KAT6A: variants seen among roughly 807,000 people sequenced by gnomAD.
The protein encoded by KAT6A is histone acetyltransferase KAT6A.
A neutral mutation model predicts 198.4 loss-of-function variants in KAT6A; 9 were observed. That is an observed-to-expected ratio of 0.05 (90% CI 0.03 to 0.08). The LOEUF (loss-of-function observed/expected upper bound fraction) is 0.08, where lower values mean the gene tolerates loss of function less well. Ranked by LOEUF, KAT6A falls within the 10% of genes least tolerant of loss-of-function variation. The pLI is 1.00. For synonymous variants in KAT6A, 890 were observed against 883.0 expected, an observed-to-expected ratio of 1.01 and a Z score of -0.14; for missense variants, 2,077 against 2,509.9, an observed-to-expected ratio of 0.83 and a Z score of 3.69.
At chr8:41,953,816 T>G (rs1041358179) in intron 9 of KAT6A, among the ~76,000 whole-genome samples, 2 of 152,198 alleles carry the variant, frequency 1.3e-5, no homozygotes, top group African/African-American at 4.8e-5. Flanking sequence ...TCCTGAGGAA[T>G]GAGTTAACTT....
At chr8:41,975,392 C>CA (rs1284845692) in intron 7 of KAT6A, among the ~76,000 whole-genome samples, 7 of 151,968 alleles carry the variant, frequency 4.6e-5, no homozygotes, top group African/African-American at 1.7e-4. Flanking sequence ...CTCAAGTTGG[C>CA]AAAAAACTAG....
chr8:42,026,593 T>G (rs1245518514), intron 2 of KAT6A, among the ~76,000 whole-genome samples: 1 of 152,238 alleles, frequency 6.6e-6, no homozygotes, highest in African/African-American at 2.4e-5. Flanking sequence ...GAAACACTAC[T>G]GATTTTTGTA....
At chr8:41,978,899 T>C (rs1587773825) in intron 5 of KAT6A, 122 bp from the exon 6 acceptor site, 1 of 803,274 alleles carries the variant, frequency 1.2e-6, no homozygotes, top group East Asian at 2.6e-5. Context: ...GAAAATCTGA[T>C]GAATACCCCC....
At chr8:42,039,216 CT>C (rs1284788235) in intron 2 of KAT6A, among the ~76,000 whole-genome samples, 1 of 152,028 alleles carries the variant, frequency 6.6e-6, no homozygotes, top group Non-Finnish European at 1.5e-5. Context: ...GACTCCACCC[CT>C]GAGTAGCCAA....
intron 2 of KAT6A, among the ~76,000 whole-genome samples, chr8:42,007,579 G>A (rs1825809196): frequency 6.6e-6 from 1 of 152,168 alleles, no homozygotes; most frequent in Non-Finnish European, 1.5e-5. Context: ...TTTAAGGGCT[G>A]AGGAGTCTAG....
intron 9 of KAT6A, among the ~76,000 whole-genome samples, chr8:41,951,077 C>T (rs1297830449): frequency 1.3e-5 from 2 of 151,748 alleles, no homozygotes; most frequent in Admixed American, 6.6e-5. Flanking sequence ...GAAATAAAAT[C>T]TCTGAGAAAA....
intron 2 of KAT6A, among the ~76,000 whole-genome samples, chr8:42,047,755 C>A (rs890448916): frequency 1.3e-5 from 2 of 152,122 alleles, no homozygotes; most frequent in East Asian, 3.8e-4. Flanking sequence ...CTGTCCCATG[C>A]AACTACAGCT....
chr8:41,956,511 A>C (rs1319904577), intron 8 of KAT6A, among the ~76,000 whole-genome samples: 1 of 152,254 alleles, frequency 6.6e-6, no homozygotes, highest in African/African-American at 2.4e-5. Context: ...AAACTAAAAG[A>C]AATTTTTATT....
intron 8 of KAT6A, among the ~76,000 whole-genome samples, chr8:41,956,116 A>G (rs1254938281): frequency 2.0e-5 from 3 of 152,204 alleles, no homozygotes; most frequent in Admixed American, 1.3e-4. Context: ...TAAACAGAGA[A>G]TAATTTTTAA....
intron 15 of KAT6A, among the ~76,000 whole-genome samples, chr8:41,939,861 C>A (rs1169468303): frequency 6.6e-6 from 1 of 152,202 alleles, no homozygotes; most frequent in Non-Finnish European, 1.5e-5. Flanking sequence ...ACTCTAGTTA[C>A]TGATGTATCT....
chr8:42,000,694 T>G (rs1489507716), intron 2 of KAT6A, among the ~76,000 whole-genome samples: 1 of 152,178 alleles, frequency 6.6e-6, no homozygotes, highest in Non-Finnish European at 1.5e-5. Context: ...CGTGAACAAA[T>G]CGGCATATAG....
At chr8:41,941,733 C>T (rs1017604290) in intron 14 of KAT6A, among the ~76,000 whole-genome samples, 1 of 152,174 alleles carries the variant, frequency 6.6e-6, no homozygotes, top group Non-Finnish European at 1.5e-5. Context: ...CCCCAGGTCA[C>T]GCAAGAGCAA....
intron 2 of KAT6A, among the ~76,000 whole-genome samples, chr8:42,042,798 C>T (rs570938650): frequency 9.2e-5 from 14 of 152,218 alleles, no homozygotes; most frequent in Non-Finnish European, 1.9e-4. Context: ...TGGCTGATTA[C>T]CATGAAAGAG....
chr8:42,005,985 G>A (rs915942134), intron 2 of KAT6A, among the ~76,000 whole-genome samples: 2 of 152,158 alleles, frequency 1.3e-5, no homozygotes, highest in Non-Finnish European at 2.9e-5. Flanking sequence ...CCTGTATTCT[G>A]CAAAAAAGCC....
chr8:41,983,147 T>C (rs1587780938), intron 3 of KAT6A, among the ~76,000 whole-genome samples: 1 of 152,310 alleles, frequency 6.6e-6, no homozygotes, highest in Admixed American at 6.5e-5. Context: ...TCTCAAAAAT[T>C]AAGGGTAGCC....
At chr8:41,937,022 T>C (rs1413822534) in intron 16 of KAT6A, among the ~76,000 whole-genome samples, 3 of 152,218 alleles carry the variant, frequency 2.0e-5, no homozygotes, top group African/African-American at 7.2e-5. Flanking sequence ...AGTTGCCTAA[T>C]AGTAAGATAT....
Position 41,934,236 on chromosome 8 carries a change from C to T in KAT6A, c.3984G>A (p.Lys1328=), listed in dbSNP as rs1274883695. Residue 1328 remains lysine, a synonymous_variant, in exon 17 of 17, where the codon AAG becomes AAA. Transcript: ENST00000265713. Reference sequence around the variant, plus strand: ...TGGGCTGTTCCTCTAGCTCCTTTTTCTTTGTGGACTCCAGGTGGCCATCAT... The same window carrying T: ...TGGGCTGTTCCTCTAGCTCCTTTTTTTTTGTGGACTCCAGGTGGCCATCAT... ...DEDDGHLEST[K]KKELEEQPTR... The T allele has an allele frequency of 6.2e-7, 1 of 1,614,100 alleles. No individual in the cohort carries two copies. Among genetic ancestry groups the T allele is most frequent in the Non-Finnish European group, 8.5e-7 (1 of 1,180,030 alleles).
intron 15 of KAT6A, among the ~76,000 whole-genome samples, chr8:41,938,885 T>A (rs1169830868): frequency 6.8e-6 from 1 of 146,808 alleles, no homozygotes; most frequent in Non-Finnish European, 1.5e-5. Flanking sequence ...GAGGTGGAGG[T>A]TGCAGTGAGC....
chr8:42,009,454 A>G (rs918249272), intron 2 of KAT6A, among the ~76,000 whole-genome samples: 2 of 151,568 alleles, frequency 1.3e-5, no homozygotes, highest in Admixed American at 6.6e-5. Flanking sequence ...AAAAGAAAAA[A>G]ACACCCTACA....
Sources: gnomAD v4.1 joint callset for allele counts (sites outside exome capture counted in the v4.1 genomes callset) on GRCh38, gnomAD v4.1.1 for gene constraint, MANE v1.5 for transcripts, NCBI Gene and HGNC (gene_info 2026-07-23, HGNC 2026-07-21) for gene names.